The following SOCS7 variants were observed in gnomAD, a reference collection of about 807,000 sequenced individuals.
SOCS7 encodes the protein suppressor of cytokine signaling 7, also known as NAP-4.
SOCS7 carries 18 observed loss-of-function variants against 58.9 expected under a neutral mutation model. The ratio of observed to expected loss-of-function variants is 0.31; its 90% CI spans 0.21 to 0.45. SOCS7 has a LOEUF of 0.45. SOCS7 is among the 20% of genes least tolerant of loss of function. SOCS7 has a pLI of 1.00. For missense variants in SOCS7, 667 were observed against 837.3 expected (o/e 0.80, Z 2.51); for synonymous variants, 388 against 364.3 (o/e 1.06, Z -0.74).
intron 9 of SOCS7, 98 bp downstream of exon 9, chr17:38,396,096 G>T: frequency 1.0e-6 from 1 of 986,084 alleles, no homozygotes; most frequent in Non-Finnish European, 1.4e-6. Flanking sequence ...TCCCAACATG[G>T]ATAGCCCCGA....
At chr17:38,389,910 G>GTACATATATATATATGT (rs2038147310) in intron 7 of SOCS7, among the ~76,000 whole-genome samples, 1 of 6,446 alleles carries the variant, frequency 1.6e-4, no homozygotes. Flanking sequence ...CACATATAGA[G>GTACATATATATATATGT]AGAGAGAGAG....
rs147356636 is a variant in SOCS7 at position 38,360,562 on chromosome 17, C to T, written c.981-1149C>T. 2.5e-3 allele frequency among the ~76,000 whole-genome samples: 356 copies of T among 144,370 alleles called. 3 individuals are homozygous for T. The highest frequency in any genetic ancestry group is 8.9e-3 in the African/African-American group (346 of 38,990). 94.7% of individuals were successfully genotyped at this position (144,370 alleles called of 152,430 possible). On this transcript the variant is annotated intron_variant, in intron 1 of 9. Coordinates refer to ENST00000612932, the MANE Select transcript of SOCS7 (RefSeq NM_014598.4). ...TATTTTATTTTACTTTATTTTGAGA[C>T]GGAGTCTCGCTCTGTCGCCCAGGCT...
At chr17:38,356,240 G>C (rs587723219) in intron 1 of SOCS7, among the ~76,000 whole-genome samples, 3 of 149,510 alleles carry the variant, frequency 2.0e-5, no homozygotes, top group Admixed American at 2.0e-4. Flanking sequence ...CCACCAGTTG[G>C]GTGTGGTAGT....
intron 5 of SOCS7, among the ~76,000 whole-genome samples, chr17:38,367,638 T>C (rs1336039747): frequency 6.6e-6 from 1 of 152,184 alleles, no homozygotes; most frequent in Non-Finnish European, 1.5e-5. Flanking sequence ...CCTCCCAAAG[T>C]GTTGGGATTA....
rs1296917847 is a variant in SOCS7 at position 38,352,407 on chromosome 17, G to A, written c.355G>A (p.Gly119Arg). 5 of 1,444,322 alleles carry A rather than the reference G, an allele frequency of 3.5e-6. No homozygotes were observed. The South Asian group carries it at 5.9e-5, about 17-fold the overall frequency. The allele number at this position is 1,444,322 out of a possible 1,614,324, so 89.5% of individuals were successfully genotyped here. A position where few individuals can be genotyped will look rare whatever the true frequency, so the allele number is the denominator to read the frequency against. ...CGAGCGGACCTGGGGCCCGGCGGCT[G>A]GACTAGAGGCGCAGTTGGCGGCTCT... Reference protein sequence around the residue: ...ALERTWGPAAGLEAQLAALGL... With the variant: ...ALERTWGPAARLEAQLAALGL... The change falls in exon 1 of 10, where the codon GGA becomes AGA. Residue 119 changes from glycine (G) to arginine (R), a missense_variant. This residue lies in a region of SOCS7 where 154 missense variants were observed against 156.3 expected (regional missense o/e 0.98). Coordinates refer to ENST00000612932, the MANE Select transcript of SOCS7 (RefSeq NM_014598.4). This position sits in a 1 kb window ranked among gnomAD's most constrained non-coding sequence, Gnocchi z 5.5.
At chr17:38,364,928 G>T in intron 3 of SOCS7, 72 bp downstream of exon 3, 1 of 1,180,830 alleles carries the variant, frequency 8.5e-7, no homozygotes, top group East Asian at 2.4e-5. Context: ...TCTTTGCTGG[G>T]GGCCGACCAC....
In SOCS7 at chr17:38,387,655, T is replaced by G. The variant is rs1489909375; in HGVS notation, c.1682-7654T>G. Among the ~76,000 whole-genome samples the G allele has an allele frequency of 1.2e-4, 16 of 135,138 alleles. 1 individual carries two copies. Among genetic ancestry groups the G allele is most frequent in the Middle Eastern group, 3.9e-3 (1 of 254 alleles). 88.7% of individuals were successfully genotyped at this position (135,138 alleles called of 152,430 possible). On this transcript the variant is annotated intron_variant, in intron 7 of 9. Coordinates refer to ENST00000612932, the MANE Select transcript of SOCS7 (RefSeq NM_014598.4). ...TATTGTATATTATATACACTATATA[T>G]TGTATATATTATACTATATATTTTA...
Position 38,399,750 on chromosome 17 carries a change from CTG to C in SOCS7, c.*270_*271del, listed in dbSNP as rs1431046286. 6.6e-6 allele frequency: 1 copy of C among 152,648 alleles called. No individual in the cohort carries two copies. Among genetic ancestry groups the C allele is most frequent in the Non-Finnish European group, 1.5e-5 (1 of 68,074 alleles). The allele number at this position is 152,648 out of a possible 1,614,324, so 9.5% of individuals were successfully genotyped here. ...TGGAAAACTGGAAGAAGTCTCAACACTGTTTCTTTTTCAGAAGTTTTGTTTTT... is the reference window on the plus strand; with the variant it reads ...TGGAAAACTGGAAGAAGTCTCAACACTTTCTTTTTCAGAAGTTTTGTTTTT... On this transcript the variant is annotated 3_prime_UTR_variant, in exon 10 of 10. Transcript: ENST00000612932.
At chr17:38,353,820 G>A (rs1001802921) in intron 1 of SOCS7, among the ~76,000 whole-genome samples, 1 of 152,196 alleles carries the variant, frequency 6.6e-6, no homozygotes, top group African/African-American at 2.4e-5. Flanking sequence ...CAGCTACTCG[G>A]GAGGCTGAGG....
chr17:38,381,757 A>T (rs2038002972), intron 7 of SOCS7, among the ~76,000 whole-genome samples: 1 of 151,716 alleles, frequency 6.6e-6, no homozygotes, highest in Non-Finnish European at 1.5e-5. Flanking sequence ...TGAGCTCAGG[A>T]GTTCAAGACC....
intron 7 of SOCS7, among the ~76,000 whole-genome samples, chr17:38,390,832 A>AC (rs1312284922): frequency 6.6e-6 from 1 of 150,798 alleles, no homozygotes; most frequent in African/African-American, 2.4e-5. Context: ...TGTAGCTGGG[A>AC]CTATAGGCAC....
chr17:38,379,250 G>A (rs534456627), intron 7 of SOCS7, among the ~76,000 whole-genome samples: 4 of 151,918 alleles, frequency 2.6e-5, no homozygotes, highest in East Asian at 3.9e-4. Flanking sequence ...AGGCTGAGGC[G>A]GGCAGATCAC....
intron 7 of SOCS7, among the ~76,000 whole-genome samples, chr17:38,381,573 G>A (rs2038000546): frequency 6.6e-6 from 1 of 152,086 alleles, no homozygotes; most frequent in African/African-American, 2.4e-5. Context: ...TTTTGAAAAA[G>A]CAAAAGAAAC....
intron 7 of SOCS7, among the ~76,000 whole-genome samples, chr17:38,385,715 C>G (rs565358538): frequency 2.6e-5 from 4 of 152,050 alleles, no homozygotes; most frequent in African/African-American, 9.7e-5. Flanking sequence ...TTTTAAATAT[C>G]TTAATCTGTG....
At chr17:38,382,223 G>A (rs1355143499) in intron 7 of SOCS7, among the ~76,000 whole-genome samples, 1 of 151,758 alleles carries the variant, frequency 6.6e-6, no homozygotes, top group African/African-American at 2.4e-5. Context: ...GAGCCCAAGA[G>A]TTCTAACTAG....
intron 2 of SOCS7, 79 bp from the exon 3 acceptor site, chr17:38,364,673 G>GCCCTTTGCTT: frequency 8.5e-7 from 1 of 1,174,922 alleles, no homozygotes; most frequent in South Asian, 1.2e-5. Flanking sequence ...TCGCCTGCTT[G>GCCCTTTGCTT]CCCTTTGCTT....
intron 6 of SOCS7, among the ~76,000 whole-genome samples, chr17:38,371,762 T>G (rs1213615164): frequency 2.0e-5 from 3 of 149,738 alleles, no homozygotes; most frequent in African/African-American, 7.4e-5. Flanking sequence ...GTGTTTTTTT[T>G]TTTTTTTTTT....
chr17:38,363,481 A>G (rs2037746839), intron 2 of SOCS7, among the ~76,000 whole-genome samples: 2 of 152,156 alleles, frequency 1.3e-5, no homozygotes, highest in Admixed American at 6.5e-5. Flanking sequence ...GACTATAGGC[A>G]TGCACCACCA....
chr17:38,364,945 G>C, intron 3 of SOCS7, 89 bp downstream of exon 3: 1 of 957,168 alleles, frequency 1.0e-6, no homozygotes, highest in Non-Finnish European at 1.6e-6. Flanking sequence ...CCACGCTTCT[G>C]GGTTTCCGAT....
Sources: allele counts gnomAD v4.1 joint callset (sites outside exome capture counted in the v4.1 genomes callset), GRCh38; gene constraint gnomAD v4.1.1; regional missense constraint gnomAD v4.1.1; non-coding constraint Gnocchi (gnomAD v3.1); transcripts MANE v1.5; gene names NCBI Gene and HGNC (gene_info 2026-07-23, HGNC 2026-07-21).